Variants in NCKAP5 observed in about 807,000 individuals in gnomAD.
The protein encoded by NCKAP5 is NCK associated protein 5, also known as nck-associated protein 5.
Under a neutral mutation model 167.0 loss-of-function variants are expected in NCKAP5, and 92 were observed. The ratio of observed to expected loss-of-function variants is 0.55; its 90% confidence interval spans 0.47 to 0.66. The LOEUF is 0.66. NCKAP5 is among the 30% of genes least tolerant of loss of function. The pLI is 0.00. For synonymous variants in NCKAP5, 891 were observed against 877.4 expected, an observed-to-expected ratio of 1.02 and a Z score of -0.27; for missense variants, 2,378 against 2,315.0, an observed-to-expected ratio of 1.03 and a Z score of -0.56.
chr2:132,715,686 G>A (rs536520252), intron 19 of NCKAP5, among the ~76,000 whole-genome samples: 3 of 152,300 alleles, frequency 2.0e-5, no homozygotes, highest in Admixed American at 6.5e-5. Context: ...GACAGTCAGT[G>A]TCTCCCTAAC....
At chr2:133,553,297 C>T (rs535292082) in intron 2 of NCKAP5, among the ~76,000 whole-genome samples, 2 of 152,274 alleles carry the variant, frequency 1.3e-5, no homozygotes, top group South Asian at 4.1e-4. Context: ...ATGAATATGG[C>T]AGAGCAATGA....
chr2:132,781,115 A>C lies in NCKAP5; in HGVS notation c.4986T>G (p.Thr1662=). The C allele has an allele frequency of 6.2e-7, 1 of 1,613,820 alleles. No homozygotes were observed. The highest frequency in any genetic ancestry group is 8.5e-7 in the Non-Finnish European group (1 of 1,179,858). ...GSCLIGSSIS[T]QGNHKKNMKI... The stretch of plus-strand genomic sequence containing the variant: ...TCATGTTTTTCTTGTGGTTTCCTTG[A>C]GTACTGATAGAGCTGCCGATGAGAC... The change falls in exon 15 of 20, where the codon ACT becomes ACG. Residue 1662 remains threonine (T), a synonymous_variant. Coordinates refer to ENST00000409261, the MANE Select transcript of NCKAP5 (RefSeq NM_207363.3).
At chr2:132,791,851 T>C (rs1684096919) in intron 12 of NCKAP5, among the ~76,000 whole-genome samples, 1 of 152,218 alleles carries the variant, frequency 6.6e-6, no homozygotes, top group South Asian at 2.1e-4. Flanking sequence ...ATTTACTCTC[T>C]AATCAATACC....
the NCKAP5 span, among the ~76,000 whole-genome samples, chr2:133,671,214 CAAAAAAA>C: frequency 4.3e-4 from 23 of 53,990 alleles, no homozygotes; most frequent in Middle Eastern, 0.013. Context: ...GACTCCGTCT[CAAAAAAA>C]AAAAAAAAAA....
At chr2:132,864,430 T>A (rs1257357435) in intron 10 of NCKAP5, among the ~76,000 whole-genome samples, 4 of 152,252 alleles carry the variant, frequency 2.6e-5, no homozygotes, top group African/African-American at 7.2e-5. Context: ...CATGTTACTA[T>A]CAATTGGAAA....
chr2:133,634,656 T>C, the NCKAP5 span, among the ~76,000 whole-genome samples: 1 of 152,150 alleles, frequency 6.6e-6, no homozygotes, highest in East Asian at 1.9e-4. Context: ...TTGAAGATGA[T>C]TATGCATGAT....
chr2:132,927,515 T>C (rs984111478), intron 8 of NCKAP5, among the ~76,000 whole-genome samples: 3 of 152,196 alleles, frequency 2.0e-5, no homozygotes, highest in Admixed American at 2.0e-4. Context: ...ATTTTTCCAT[T>C]TGTTTGTGTC....
chr2:132,725,213 T>TAATGGCACAGCTAACAGGTCCA (rs1690327653), intron 19 of NCKAP5, among the ~76,000 whole-genome samples: 1 of 152,242 alleles, frequency 6.6e-6, no homozygotes, highest in African/African-American at 2.4e-5. Flanking sequence ...GACCTGTTCA[T>TAATGGCACAGCTAACAGGTCCA]AATGGCACAG....
At chr2:133,029,284 GGTAA>G (rs1038470416) in intron 6 of NCKAP5, among the ~76,000 whole-genome samples, 10 of 152,178 alleles carry the variant, frequency 6.6e-5, no homozygotes, top group African/African-American at 2.2e-4. Flanking sequence ...ATATCACTGT[GGTAA>G]GTAAGTATAT....
At chr2:133,218,983 A>G (rs931245864) in intron 4 of NCKAP5, among the ~76,000 whole-genome samples, 3 of 152,236 alleles carry the variant, frequency 2.0e-5, no homozygotes, top group Admixed American at 6.5e-5. Context: ...CTGTCCACAC[A>G]TTATATTCTT....
At chr2:133,205,179 G>A (rs2085888387) in intron 5 of NCKAP5, among the ~76,000 whole-genome samples, 1 of 152,046 alleles carries the variant, frequency 6.6e-6, no homozygotes, top group Non-Finnish European at 1.5e-5. Context: ...TTTAGTTCCA[G>A]CTACTTGGGA....
intron 19 of NCKAP5, among the ~76,000 whole-genome samples, chr2:132,695,646 G>A (rs575324531): frequency 6.6e-6 from 1 of 152,208 alleles, no homozygotes; most frequent in African/African-American, 2.4e-5. Context: ...AGGCAGGAGC[G>A]AATCCAAAAT....
chr2:133,548,287 A>C (rs1469493081), intron 2 of NCKAP5, among the ~76,000 whole-genome samples: 1 of 152,176 alleles, frequency 6.6e-6, no homozygotes, highest in Non-Finnish European at 1.5e-5. Flanking sequence ...GAATGGAACC[A>C]AGTTGGAAAA....
chr2:132,793,068 G>GC (rs1159722571), intron 12 of NCKAP5, among the ~76,000 whole-genome samples: 2 of 152,178 alleles, frequency 1.3e-5, no homozygotes, highest in East Asian at 3.9e-4. Flanking sequence ...GCAATGGCAT[G>GC]ATCTCAGCTC....
intron 3 of NCKAP5, among the ~76,000 whole-genome samples, chr2:133,388,161 A>ATCTTTGTGG (rs140696611): frequency 0.037 from 5,578 of 151,970 alleles, 321 homozygotes; most frequent in African/African-American, 0.13. Context: ...TTTTTTCCCC[A>ATCTTTGTGG]TTTTTGTGGT....
intron 3 of NCKAP5, among the ~76,000 whole-genome samples, chr2:133,420,579 A>G (rs935999812): frequency 2.0e-5 from 3 of 152,228 alleles, no homozygotes; most frequent in Admixed American, 6.5e-5. Context: ...ATGGGTGGAA[A>G]GTATGTATGT....
At chr2:133,311,192 T>C (rs1201670572) in intron 3 of NCKAP5, among the ~76,000 whole-genome samples, 2 of 152,336 alleles carry the variant, frequency 1.3e-5, no homozygotes, top group Non-Finnish European at 2.9e-5. Flanking sequence ...ATCAGCCAGC[T>C]ATAAATCAGG....
At position 133,526,169 on chromosome 2, in the gene NCKAP5, A is replaced by G. The variant is rs535051131; in HGVS notation, c.-61-8582T>C. Among the ~76,000 whole-genome samples, 122 of 68,352 alleles carry G rather than the reference A, an allele frequency of 1.8e-3. 1 individual carries two copies. The highest frequency in any genetic ancestry group is 8.5e-3 in the African/African-American group (114 of 13,358). The allele number at this position is 68,352 out of a possible 152,430, so 44.8% of individuals were successfully genotyped here. On this transcript the variant is annotated intron_variant, in intron 2 of 19. Coordinates refer to ENST00000409261, the MANE Select transcript of NCKAP5 (RefSeq NM_207363.3). ...GGAGGAACAGAGAAAGGGAATGAGG[A>G]AGGAAGGAAGGAAGGAAGGAAGGAA...
intron 7 of NCKAP5, among the ~76,000 whole-genome samples, chr2:132,981,337 A>G (rs2077136123): frequency 1.3e-5 from 2 of 152,292 alleles, no homozygotes; most frequent in South Asian, 2.1e-4. Flanking sequence ...AATAGCCCTG[A>G]GACAGCAGGC....
Sources: gnomAD v4.1 joint callset for allele counts (sites outside exome capture counted in the v4.1 genomes callset) on GRCh38, gnomAD v4.1.1 for gene constraint, MANE v1.5 for transcripts, NCBI Gene and HGNC (gene_info 2026-07-23, HGNC 2026-07-21) for gene names.